Variants in ZNF18 observed in about 807,000 individuals in gnomAD.
ZNF18 encodes zinc finger protein 18, also known as heart development-specific gene 1 protein.
ZNF18 carries 42 observed loss-of-function variants against 58.1 expected under a neutral mutation model. The observed-to-expected ratio is 0.72, with a 90% confidence interval of 0.56 to 0.93. The LOEUF (loss-of-function observed/expected upper bound fraction) is 0.93, where lower values mean the gene tolerates loss of function less well. ZNF18 is among the 40% of genes least tolerant of loss of function. The pLI, the probability that ZNF18 is intolerant of heterozygous loss-of-function variation, is 0.00. For missense variants in ZNF18, 540 were observed against 644.2 expected (o/e 0.84, Z 1.75); for synonymous variants, 231 against 239.8 (o/e 0.96, Z 0.34).
At chr17:12,007,650 G>A in the ZNF18 span, among the ~76,000 whole-genome samples, 8 of 152,114 alleles carry the variant, frequency 5.3e-5, no homozygotes, top group Non-Finnish European at 1.0e-4. Flanking sequence ...ACTGAGCAGT[G>A]GGAAGCCCCA....
At chr17:12,010,853 G>A in the ZNF18 span, 1 of 486,262 alleles carries the variant, frequency 2.1e-6, no homozygotes, top group Non-Finnish European at 3.7e-6. Flanking sequence ...TGAACCCCAG[G>A]TACTTTTCTC....
Position 11,991,092 on chromosome 17 carries a change from T to C in ZNF18, c.459A>G (p.Glu153=). ...KMESPSCQVG[E]VEPHLEVVPQ... is the part of the protein sequence containing the mutation. ...GCACCACTTCAAGATGGGGCTCCAC[T>C]TCCCCCACTTGGCAGCTTGGAGATT... Residue 153 remains glutamate, a synonymous_variant, in exon 3 of 7, where the codon GAA becomes GAG. Coordinates refer to ENST00000580306, the MANE Select transcript of ZNF18 (RefSeq NM_001303281.2). 1.9e-6 allele frequency: 3 copies of C among 1,614,180 alleles called. No homozygotes were observed. The highest frequency in any genetic ancestry group is 2.5e-6 in the Non-Finnish European group (3 of 1,180,030).
the ZNF18 span, among the ~76,000 whole-genome samples, chr17:12,005,652 C>T: frequency 8.6e-3 from 1,302 of 152,104 alleles, 24 homozygotes; most frequent in African/African-American, 0.03. Context: ...ATTTAGAACC[C>T]GACTTTAAAA....
chr17:11,978,840 C>CTTTTTTT (rs56969015), intron 6 of ZNF18, 96 bp from the exon 7 acceptor site: 10 of 120,556 alleles, frequency 8.3e-5, no homozygotes, highest in East Asian at 3.8e-4. Flanking sequence ...CATTCATTTT[C>CTTTTTTT]TTTTTTTTTT....
chr17:12,010,949 C>T, the ZNF18 span: 1 of 682,464 alleles, frequency 1.5e-6, no homozygotes, highest in Non-Finnish European at 2.7e-6. Context: ...ATGCCCAATA[C>T]ACACATTAAT....
the ZNF18 span, among the ~76,000 whole-genome samples, chr17:12,008,540 A>T: frequency 1.3e-5 from 2 of 152,166 alleles, no homozygotes; most frequent in Non-Finnish European, 2.9e-5. Context: ...ACATACTTAC[A>T]GTACCATCTG....
chr17:11,997,359 G>A (rs975612954), intron 1 of ZNF18, 72 bp downstream of exon 1: 6 of 152,320 alleles, frequency 3.9e-5, no homozygotes, highest in Non-Finnish European at 8.8e-5. Flanking sequence ...GCTGAGTCAG[G>A]TGCGGACGCA....
At chr17:12,014,696 G>T in the ZNF18 span, among the ~76,000 whole-genome samples, 5 of 152,144 alleles carry the variant, frequency 3.3e-5, no homozygotes, top group Admixed American at 6.6e-5. Context: ...TTTCCTTTCG[G>T]GATGATAAAA....
intron 1 of ZNF18, among the ~76,000 whole-genome samples, chr17:11,995,265 C>T (rs934220029): frequency 2.4e-4 from 8 of 33,684 alleles, no homozygotes; most frequent in Non-Finnish European, 3.9e-4. Context: ...AAAAATTAAC[C>T]GGGCGTGGTG....
At chr17:12,015,862 C>T in the ZNF18 span, among the ~76,000 whole-genome samples, 1 of 151,990 alleles carries the variant, frequency 6.6e-6, no homozygotes, top group South Asian at 2.1e-4. Flanking sequence ...GATCTCGGCT[C>T]ACTGCAACCC....
At chr17:12,002,408 T>C (rs1276004556), upstream of ZNF18, 2 of 151,570 alleles carry the variant, frequency 1.3e-5, no homozygotes, top group African/African-American at 4.9e-5. Context: ...AAAAAATATA[T>C]AAAATAAAAA....
chr17:11,978,693 T>TC lies in ZNF18; in HGVS notation c.913dup (p.Asp305GlyfsTer27). On this transcript the variant is annotated frameshift_variant, in exon 7 of 7. Transcript: ENST00000580306. LOFTEE classifies it high-confidence loss of function. ...ACAGGAAGCATGCAGGAGCTCCTGGTCCCTGTGATTCTCCAAATTTAGGTT... is the reference window on the plus strand; with the variant it reads ...ACAGGAAGCATGCAGGAGCTCCTGGTCCCCTGTGATTCTCCAAATTTAGGTT... 11 of 1,605,944 alleles carry TC rather than the reference T, an allele frequency of 6.8e-6. No individual in the cohort carries two copies. The highest frequency in any genetic ancestry group is 9.3e-6 in the Non-Finnish European group (11 of 1,178,770).
chr17:11,985,597 T>C (rs900644280), intron 4 of ZNF18, among the ~76,000 whole-genome samples: 15 of 152,210 alleles, frequency 9.9e-5, no homozygotes, highest in Non-Finnish European at 1.9e-4. Context: ...ATGTAAGTAT[T>C]TGATTAACTG....
rs766627842 is a variant in ZNF18, at chr17:11,991,041, T to G, written c.510A>C (p.Ser170=). 6.2e-7 allele frequency: 1 copy of G among 1,614,176 alleles called. No homozygotes were observed. The highest frequency in any genetic ancestry group is 8.5e-7 in the Non-Finnish European group (1 of 1,180,034). Residue 170 remains serine (S), a synonymous_variant, in exon 3 of 7, where the codon TCA becomes TCC. Coordinates refer to ENST00000580306, the MANE Select transcript of ZNF18 (RefSeq NM_001303281.2). ...VVPQELGLEN[S]SSGPGELLSH... is the part of the protein sequence containing the mutation. ...TCAGAAGCTCCCCAGGCCCTGAGGA[T>G]GAATTCTCAAGTCCCAACTCCTGAG...
intron 5 of ZNF18, 57 bp downstream of exon 5, chr17:11,984,056 G>A: frequency 1.3e-6 from 2 of 1,484,770 alleles, no homozygotes; most frequent in South Asian, 1.2e-5. Context: ...CATGGAAAAT[G>A]CCTCACAGTT....
At chr17:12,020,822 G>C in the ZNF18 span, 3 of 730,662 alleles carry the variant, frequency 4.1e-6, no homozygotes, top group Non-Finnish European at 5.6e-6. Context: ...CCCCTCGGCC[G>C]TGCGAGAGGC....
chr17:11,989,660 A>C (rs576974472), intron 4 of ZNF18, among the ~76,000 whole-genome samples: 105 of 152,226 alleles, frequency 6.9e-4, no homozygotes, highest in Admixed American at 5.9e-4. Flanking sequence ...AGACATCAAA[A>C]TAGAAACTGT....
chr17:12,011,863 G>A, the ZNF18 span, among the ~76,000 whole-genome samples: 4 of 151,410 alleles, frequency 2.6e-5, no homozygotes, highest in African/African-American at 9.7e-5. Flanking sequence ...ACCACATCCA[G>A]CTAATTTTTG....
the ZNF18 span, chr17:12,011,245 T>C: frequency 1.8e-5 from 8 of 452,654 alleles, no homozygotes; most frequent in Non-Finnish European, 2.8e-5. Context: ...TACTGGAAGA[T>C]GGCGGTTCCC....
Sources: allele counts gnomAD v4.1 joint callset (sites outside exome capture counted in the v4.1 genomes callset), GRCh38; gene constraint gnomAD v4.1.1; transcripts MANE v1.5; gene names NCBI Gene and HGNC (gene_info 2026-07-23, HGNC 2026-07-21).